NRG3: variants seen among roughly 807,000 people sequenced by gnomAD.
NRG3 encodes the protein pro-neuregulin-3, membrane-bound isoform.
Under a neutral mutation model 66.9 loss-of-function variants are expected in NRG3, and 31 were observed. The observed-to-expected ratio is 0.46, with a 90% CI of 0.35 to 0.63. The LOEUF (loss-of-function observed/expected upper bound fraction) is 0.63. NRG3 is among the 20% of genes least tolerant of loss of function. The pLI is 0.00. For missense variants in NRG3, 910 were observed against 878.9 expected (o/e 1.04, Z -0.45); for synonymous variants, 393 against 359.4 (o/e 1.09, Z -1.06).
chr10:82,862,235 G>A (rs2064167757), intron 3 of NRG3, among the ~76,000 whole-genome samples: 1 of 152,068 alleles, frequency 6.6e-6, no homozygotes, highest in Non-Finnish European at 1.5e-5. Context: ...TATGGGCTTG[G>A]GGAAGAGAAC....
In NRG3 at chr10:82,416,151, T is replaced by C. The variant is rs116900445; in HGVS notation, c.953+57283T>C. ...ATTAATGTGTTACAAATCAATGTTC[T>C]GTAGTATTTTAGGAACTGTAAAACA... is the stretch of plus-strand genomic sequence containing the variant. On this transcript the variant is annotated intron_variant, in intron 2 of 8. Coordinates refer to ENST00000372141, the MANE Select transcript of NRG3 (RefSeq NM_001010848.4). 5.4e-3 allele frequency among the ~76,000 whole-genome samples: 825 copies of C among 152,308 alleles called. 3 individuals carry two copies. Among genetic ancestry groups the C allele is most frequent in the Admixed American group, 0.01 (156 of 15,284 alleles).
At chr10:82,948,074 T>A (rs1428107073) in intron 4 of NRG3, among the ~76,000 whole-genome samples, 1 of 152,096 alleles carries the variant, frequency 6.6e-6, no homozygotes, top group African/African-American at 2.4e-5. Flanking sequence ...ATCATCCTTT[T>A]TGAGTGTATA....
rs527924797 is a variant in NRG3 at position 82,066,506 on chromosome 10, A to G, written c.823+190343A>G. Among the ~76,000 whole-genome samples, 19 of 152,202 alleles carry G rather than the reference A, an allele frequency of 1.2e-4. No homozygotes were observed. The East Asian group carries it at 3.7e-3, about 29-fold the overall frequency. On this transcript the variant is annotated intron_variant, in intron 1 of 8. Coordinates refer to ENST00000372141, the MANE Select transcript of NRG3 (RefSeq NM_001010848.4). ...GATGCAGGGAAGGCAGAGGCAAGGG[A>G]CCCTCATTTTGGTATCCTATTTGGG...
intron 1 of NRG3, among the ~76,000 whole-genome samples, chr10:81,984,807 A>G (rs1485377693): frequency 6.6e-6 from 1 of 152,248 alleles, no homozygotes; most frequent in Non-Finnish European, 1.5e-5. Flanking sequence ...ATACATATAC[A>G]AAAAGACTCA....
intron 2 of NRG3, among the ~76,000 whole-genome samples, chr10:82,486,936 T>C (rs1048270634): frequency 1.3e-5 from 2 of 151,834 alleles, no homozygotes; most frequent in Non-Finnish European, 2.9e-5. Flanking sequence ...CTGATCAGAG[T>C]ATAGAGTTTC....
intron 2 of NRG3, among the ~76,000 whole-genome samples, chr10:82,650,358 A>C (rs2051315748): frequency 6.6e-6 from 1 of 152,148 alleles, no homozygotes; most frequent in African/African-American, 2.4e-5. Flanking sequence ...GCGAGCTATT[A>C]ATTCTCTAAA....
intron 4 of NRG3, among the ~76,000 whole-genome samples, chr10:82,871,621 G>A (rs1591790647): frequency 6.6e-6 from 1 of 151,798 alleles, no homozygotes; most frequent in Non-Finnish European, 1.5e-5. Flanking sequence ...CATTTTATTT[G>A]TATACATCTT....
intron 1 of NRG3, among the ~76,000 whole-genome samples, chr10:81,878,531 C>T (rs963683043): frequency 6.6e-6 from 1 of 152,032 alleles, no homozygotes; most frequent in Admixed American, 6.6e-5. Flanking sequence ...ATTAAGATTT[C>T]ATTTGAGAGA....
chr10:81,990,233 T>G (rs984296075), intron 1 of NRG3, among the ~76,000 whole-genome samples: 14 of 152,184 alleles, frequency 9.2e-5, no homozygotes, highest in Non-Finnish European at 1.9e-4. Flanking sequence ...ACAAATTTAT[T>G]ACTGTTAGTC....
At chr10:82,292,519 T>A (rs1030076911) in intron 1 of NRG3, among the ~76,000 whole-genome samples, 2 of 152,154 alleles carry the variant, frequency 1.3e-5, no homozygotes, top group Admixed American at 6.6e-5. Context: ...AATATTCACA[T>A]AGAAACCTCT....
At chr10:82,627,456 T>C (rs1231100001) in intron 2 of NRG3, among the ~76,000 whole-genome samples, 1 of 152,052 alleles carries the variant, frequency 6.6e-6, no homozygotes, top group African/African-American at 2.4e-5. Context: ...CATCAGCTTA[T>C]ATTTTTGCTG....
chr10:82,588,247 GT>G, intron 2 of NRG3, among the ~76,000 whole-genome samples: 1 of 152,242 alleles, frequency 6.6e-6, no homozygotes, highest in African/African-American at 2.4e-5. Flanking sequence ...CTGGTGGGAG[GT>G]TTTTGGATCA....
At chr10:82,527,741 G>A (rs1200743583) in intron 2 of NRG3, among the ~76,000 whole-genome samples, 1 of 152,062 alleles carries the variant, frequency 6.6e-6, no homozygotes, top group Non-Finnish European at 1.5e-5. Context: ...CCAGATCAAG[G>A]AAATTTAAAA....
At chr10:82,262,009 C>G (rs1463998026) in intron 1 of NRG3, among the ~76,000 whole-genome samples, 1 of 152,170 alleles carries the variant, frequency 6.6e-6, no homozygotes, top group Non-Finnish European at 1.5e-5. Context: ...TGTGATGCAC[C>G]TGCTCCCCCT....
intron 2 of NRG3, among the ~76,000 whole-genome samples, chr10:82,497,325 T>C (rs1289474003): frequency 6.6e-6 from 1 of 152,234 alleles, no homozygotes; most frequent in Non-Finnish European, 1.5e-5. Context: ...AACATTTTCA[T>C]GTGTGGTGCA....
chr10:82,664,271 C>T (rs77218376), intron 2 of NRG3, among the ~76,000 whole-genome samples: 6,373 of 152,150 alleles, frequency 0.042, 193 homozygotes, highest in African/African-American at 0.066. Context: ...TGCACCACCT[C>T]CTCTCCTCCA....
Position 81,894,220 on chromosome 10 carries a change from A to G in NRG3, c.823+18057A>G, listed in dbSNP as rs141583514. 2.1e-3 allele frequency among the ~76,000 whole-genome samples: 315 copies of G among 152,278 alleles called. 1 individual carries two copies. The highest frequency in any genetic ancestry group is 3.8e-3 in the Non-Finnish European group (260 of 68,020). On this transcript the variant is annotated intron_variant, in intron 1 of 8. Transcript: ENST00000372141. Reference sequence around the variant, plus strand: ...GCTGGGCATGGTGGTTTGTGCCTGTAGTCCCAGCTCCTCATGAGACTGAGG... The same window carrying G: ...GCTGGGCATGGTGGTTTGTGCCTGTGGTCCCAGCTCCTCATGAGACTGAGG...
chr10:81,975,314 CATCTATCTATCTATCT>C (rs140419592), intron 1 of NRG3, among the ~76,000 whole-genome samples: 4,718 of 143,802 alleles, frequency 0.033, 146 homozygotes, highest in African/African-American at 0.076. Flanking sequence ...AATTGTGTAA[CATCTATCTATCTATCT>C]ATCTATCTAT....
intron 3 of NRG3, among the ~76,000 whole-genome samples, chr10:82,810,095 T>A (rs1387662251): frequency 1.3e-5 from 2 of 152,196 alleles, no homozygotes; most frequent in Non-Finnish European, 2.9e-5. Flanking sequence ...ATGTGTCTTG[T>A]AAATTACCTC....
Sources: gnomAD v4.1 joint callset for allele counts (sites outside exome capture counted in the v4.1 genomes callset) on GRCh38, gnomAD v4.1.1 for gene constraint, MANE v1.5 for transcripts, NCBI Gene and HGNC (gene_info 2026-07-23, HGNC 2026-07-21) for gene names.